Variants in CTIF observed in about 807,000 individuals in gnomAD.
CTIF encodes cap binding complex dependent translation initiation factor, also known as CBP80/20-dependent translation initiation factor.
CTIF carries 21 observed loss-of-function variants against 66.0 expected under a neutral mutation model. The ratio of observed to expected loss-of-function variants is 0.32; its 90% CI spans 0.23 to 0.46. CTIF has a LOEUF of 0.46. CTIF is among the 20% of genes least tolerant of loss of function. CTIF has a pLI of 1.00. For missense variants in CTIF, 739 were observed against 812.7 expected (o/e 0.91, Z 1.10); for synonymous variants, 345 against 326.4 (o/e 1.06, Z -0.62).
At chr18:48,809,893 GTTTCTTC>G (rs2068225502) in intron 9 of CTIF, among the ~76,000 whole-genome samples, 1 of 149,570 alleles carries the variant, frequency 6.7e-6, no homozygotes, top group African/African-American at 2.5e-5. Context: ...TTTTATTTCT[GTTTCTTC>G]TTTCTTGATT....
intron 1 of CTIF, among the ~76,000 whole-genome samples, chr18:48,572,943 T>C (rs2089447978): frequency 6.6e-6 from 1 of 152,008 alleles, no homozygotes; most frequent in Non-Finnish European, 1.5e-5. Context: ...CAGTGAGTCA[T>C]GATCATACCA....
At chr18:48,600,898 T>G (rs1190690003) in intron 1 of CTIF, among the ~76,000 whole-genome samples, 1 of 152,158 alleles carries the variant, frequency 6.6e-6, no homozygotes, top group African/African-American at 2.4e-5. Flanking sequence ...CTCATACTGG[T>G]GACATTTTAC....
At position 48,664,515 on chromosome 18, in the gene CTIF, C is replaced by G; in HGVS notation, c.395C>G (p.Thr132Arg). ...FTQFHRKVRHTPKQPLPHIDR... is the reference protein window; with the variant it reads ...FTQFHRKVRHRPKQPLPHIDR... ...CAGTTCCACCGCAAAGTCCGACACACGCCCAAGCAGCCCCTGCCACACATC... is the reference window on the plus strand; with the variant it reads ...CAGTTCCACCGCAAAGTCCGACACAGGCCCAAGCAGCCCCTGCCACACATC... The change falls in exon 5 of 12, where the codon ACG becomes AGG. Residue 132 changes from threonine (T) to arginine (R), a missense_variant. By Grantham distance (71) the Thr-to-Arg change is moderately conservative. Transcript: ENST00000256413. 6.2e-7 allele frequency: 1 copy of G among 1,613,090 alleles called. No individual in the cohort carries two copies. The highest frequency in any genetic ancestry group is 8.5e-7 in the Non-Finnish European group (1 of 1,179,972).
chr18:48,819,262 G>C (rs28502558), intron 10 of CTIF, among the ~76,000 whole-genome samples: 3,119 of 152,336 alleles, frequency 0.02, 93 homozygotes, highest in African/African-American at 0.072. Flanking sequence ...CAGGAGGGCT[G>C]GCAGCTCTGC....
At chr18:48,657,286 C>T (rs1028695488) in intron 3 of CTIF, among the ~76,000 whole-genome samples, 4 of 152,234 alleles carry the variant, frequency 2.6e-5, no homozygotes, top group Non-Finnish European at 4.4e-5. Flanking sequence ...ATTTCAACAT[C>T]GTAACAATTT....
chr18:48,567,277 A>C (rs2089299882), intron 1 of CTIF: 2 of 152,244 alleles, frequency 1.3e-5, no homozygotes, highest in Non-Finnish European at 2.9e-5. Flanking sequence ...AAGCAGTGTC[A>C]CTGGTGACCA....
chr18:48,650,160 G>A (rs1236045708), intron 3 of CTIF, among the ~76,000 whole-genome samples: 1 of 152,172 alleles, frequency 6.6e-6, no homozygotes, highest in Admixed American at 6.5e-5. Context: ...GCTTCAGAAG[G>A]TCGGTAATAA....
In CTIF at chr18:48,792,964, A is replaced by G. The variant is rs533881448; in HGVS notation, c.1372-24257A>G. Among the ~76,000 whole-genome samples, 3 of 152,276 alleles carry G rather than the reference A, an allele frequency of 2.0e-5. No individual in the cohort carries two copies. In the South Asian group the frequency reaches 6.2e-4, roughly 32 times the overall value. On this transcript the variant is annotated intron_variant, in intron 9 of 11. Transcript: ENST00000256413. Reference sequence around the variant, plus strand: ...ATCCAGGTGGTATTTAGGTGGTGCTATTAGGTGGTATTTAAAACCATGAGA... The same window carrying G: ...ATCCAGGTGGTATTTAGGTGGTGCTGTTAGGTGGTATTTAAAACCATGAGA...
intron 9 of CTIF, among the ~76,000 whole-genome samples, chr18:48,781,472 T>C (rs2146055386): frequency 6.6e-6 from 1 of 152,218 alleles, no homozygotes; most frequent in South Asian, 2.1e-4. Flanking sequence ...GTTTGAGAAG[T>C]GGAGGAAACG....
intron 7 of CTIF, among the ~76,000 whole-genome samples, chr18:48,724,184 A>G (rs2092365844): frequency 6.6e-6 from 1 of 152,212 alleles, no homozygotes; most frequent in African/African-American, 2.4e-5. Flanking sequence ...ACAGATGAAC[A>G]GCCTGGGCAC....
chr18:48,678,558 C>T (rs905862317), intron 6 of CTIF, among the ~76,000 whole-genome samples: 3 of 150,384 alleles, frequency 2.0e-5, no homozygotes, highest in Non-Finnish European at 4.4e-5. Flanking sequence ...CTCTGTGAGG[C>T]GAGCCTATTT....
chr18:48,590,420 A>G (rs2089864245), intron 1 of CTIF, among the ~76,000 whole-genome samples: 1 of 152,238 alleles, frequency 6.6e-6, no homozygotes. Context: ...GGCTGGGAAG[A>G]AAGTGAGCAA....
intron 10 of CTIF, among the ~76,000 whole-genome samples, chr18:48,841,525 G>T (rs542760248): frequency 2.0e-5 from 3 of 152,222 alleles, no homozygotes; most frequent in Non-Finnish European, 4.4e-5. Context: ...AGCCAGGCCC[G>T]GCGTTCTGAG....
intron 9 of CTIF, among the ~76,000 whole-genome samples, chr18:48,810,475 G>A (rs1191045081): frequency 6.6e-6 from 1 of 151,994 alleles, no homozygotes; most frequent in Admixed American, 6.5e-5. Flanking sequence ...AAGTATTCAA[G>A]CAATTGGCTA....
intron 9 of CTIF, among the ~76,000 whole-genome samples, chr18:48,801,076 G>A (rs1386453596): frequency 6.6e-6 from 1 of 152,192 alleles, no homozygotes; most frequent in African/African-American, 2.4e-5. Flanking sequence ...AACGAATGGA[G>A]AAGGTCTGAG....
chr18:48,794,344 A>G (rs1568224182), intron 9 of CTIF, among the ~76,000 whole-genome samples: 1 of 152,212 alleles, frequency 6.6e-6, no homozygotes, highest in Non-Finnish European at 1.5e-5. Context: ...GGTTCGGCAC[A>G]GCAGTGCTGG....
In CTIF at chr18:48,663,820, C is replaced by T; in HGVS notation, c.321C>T (p.Ser107=). The change falls in exon 4 of 12, where the codon TCC becomes TCT. Residue 107 remains serine, a synonymous_variant. Coordinates refer to ENST00000256413, the MANE Select transcript of CTIF (RefSeq NM_014772.3). ...TDIWAANTFD[S]FSGATWDLQP... ...TCTGGGCGGCCAACACCTTCGATTC[C>T]TTCAGGTAACCTCCTCCTCCCTCCT... The T allele has an allele frequency of 1.2e-6, 2 of 1,614,068 alleles. No individual in the cohort carries two copies. Among genetic ancestry groups the T allele is most frequent in the Non-Finnish European group, 1.7e-6 (2 of 1,179,898 alleles).
intron 1 of CTIF, among the ~76,000 whole-genome samples, chr18:48,575,481 C>T (rs763666044): frequency 6.6e-6 from 1 of 152,212 alleles, no homozygotes; most frequent in Non-Finnish European, 1.5e-5. Context: ...TTTTCTTTTG[C>T]CTTCAGGGGT....
intron 5 of CTIF, 110 bp downstream of exon 5, chr18:48,664,661 G>T: frequency 2.4e-6 from 2 of 844,112 alleles, no homozygotes; most frequent in Non-Finnish European, 3.8e-6. Context: ...GGTGGCTGAT[G>T]CCCCGGGATG....
Sources: gnomAD v4.1 joint callset for allele counts (sites outside exome capture counted in the v4.1 genomes callset) on GRCh38, gnomAD v4.1.1 for gene constraint, MANE v1.5 for transcripts, NCBI Gene and HGNC (gene_info 2026-07-23, HGNC 2026-07-21) for gene names.